CFAP92: variants seen among roughly 807,000 people sequenced by gnomAD.
CFAP92 encodes cilia and flagella associated protein 92 (putative).
A neutral mutation model predicts 106.3 loss-of-function variants in CFAP92; 86 were observed. The ratio of observed to expected loss-of-function variants is 0.81; its 90% confidence interval spans 0.68 to 0.97. CFAP92 has a LOEUF of 0.97. Ranked by LOEUF, CFAP92 falls within the 50% of genes least tolerant of loss-of-function variation. CFAP92 has a pLI of 0.00. For synonymous variants in CFAP92, 477 were observed against 506.4 expected, an observed-to-expected ratio of 0.94 and a Z score of 0.78; for missense variants, 1,204 against 1,283.8, an observed-to-expected ratio of 0.94 and a Z score of 0.95.
In CFAP92 at chr3:128,931,451, G is replaced by A. The variant is rs550016753; in HGVS notation, c.2751+1249C>T. ...AAAGTGGTATGAGATATATATATGT[G>A]TGTATATATATATACACATACATGT... On this transcript the variant is annotated intron_variant, in intron 12 of 15. Transcript: ENST00000645291. Among the ~76,000 whole-genome samples, 6 of 130,194 alleles carry A rather than the reference G, an allele frequency of 4.6e-5. No individual in the cohort carries two copies. In the South Asian group the frequency reaches 7.4e-4, roughly 16 times the overall value. The allele number at this position is 130,194 out of a possible 152,430, so 85.4% of individuals were successfully genotyped here.
chr3:128,971,115 G>T, intron 8 of CFAP92, 172 bp downstream of exon 8: 1 of 952,294 alleles, frequency 1.1e-6, no homozygotes, highest in Non-Finnish European at 1.6e-6. Flanking sequence ...TACCCTCTCT[G>T]GGCCTTTGTT....
chr3:128,927,083 ACT>A (rs1937735124), intron 12 of CFAP92, among the ~76,000 whole-genome samples: 1 of 151,920 alleles, frequency 6.6e-6, no homozygotes, highest in African/African-American at 2.4e-5. Flanking sequence ...ACAAAGCAAG[ACT>A]CTGTCTCAAA....
chr3:129,016,634 C>T, the CFAP92 span, among the ~76,000 whole-genome samples: 1 of 152,194 alleles, frequency 6.6e-6, no homozygotes, highest in African/African-American at 2.4e-5. Flanking sequence ...TGTCATAAAG[C>T]CCTGGAGACA....
chr3:128,946,004 AC>A, intron 9 of CFAP92, 29 bp from the exon 10 acceptor site: 1 of 1,399,096 alleles, frequency 7.1e-7, no homozygotes, highest in Non-Finnish European at 9.3e-7. Flanking sequence ...ACAGCAGGTC[AC>A]CCAGCCACAA....
intron 4 of CFAP92, among the ~76,000 whole-genome samples, chr3:128,982,778 T>G (rs1000115861): frequency 5.3e-5 from 8 of 152,168 alleles, no homozygotes; most frequent in African/African-American, 1.9e-4. Flanking sequence ...TAGGGAGGCC[T>G]GAAGAGAGGG....
At chr3:128,984,452 G>A (rs1407386974) in intron 4 of CFAP92, among the ~76,000 whole-genome samples, 4 of 152,154 alleles carry the variant, frequency 2.6e-5, no homozygotes, top group Non-Finnish European at 4.4e-5. Flanking sequence ...CCATGCTGGA[G>A]GCTTCCTGCC....
At chr3:128,913,494 G>A (rs1196761532) in intron 15 of CFAP92, among the ~76,000 whole-genome samples, 6 of 152,110 alleles carry the variant, frequency 3.9e-5, no homozygotes, top group Non-Finnish European at 8.8e-5. Flanking sequence ...AGGTCCCAGC[G>A]TGCTCACTGT....
intron 1 of CFAP92, 38 bp from the exon 2 acceptor site, chr3:128,993,374 T>G (rs1156387616): frequency 1.3e-6 from 2 of 1,539,110 alleles, no homozygotes; most frequent in Non-Finnish European, 1.8e-6. Context: ...CCGCCTGTAT[T>G]CCAGGGCTGC....
intron 9 of CFAP92, among the ~76,000 whole-genome samples, chr3:128,962,257 G>A (rs1023990440): frequency 6.6e-6 from 1 of 152,060 alleles, no homozygotes; most frequent in Non-Finnish European, 1.5e-5. Context: ...AGGTAAGCCC[G>A]TCCCCTTCTT....
At position 128,990,353 on chromosome 3, in the gene CFAP92, T is replaced by C. The variant is rs550885652; in HGVS notation, c.263-1435A>G. On this transcript the variant is annotated intron_variant, in intron 2 of 15. Transcript: ENST00000645291. The stretch of plus-strand genomic sequence containing the variant: ...CTCTACTAAAAATACAAAAATTAGC[T>C]GGGCATGGTGGCATGTGCCTGTAGT... Among the ~76,000 whole-genome samples, 177 of 152,238 alleles carry C rather than the reference T, an allele frequency of 1.2e-3. 2 individuals carry two copies. The highest frequency in any genetic ancestry group is 4.2e-3 in the African/African-American group (175 of 41,562).
Position 128,945,082 on chromosome 3 carries a change from G to A in CFAP92, c.2247C>T (p.Asn749=), listed in dbSNP as rs1940068633. ...ADQGLRQLWE[N]HQSWIPRSEH... is the part of the protein sequence containing the mutation. ...AACAAACCACCTACCAGCTTTGGTG[G>A]TTCTCCCACAGCTGCCTCAAGCCTT... Residue 749 remains asparagine (N), a synonymous_variant, in exon 10 of 16, where the codon AAC becomes AAT. Coordinates refer to ENST00000645291, the MANE Select transcript of CFAP92 (RefSeq NM_001394090.1). The A allele has an allele frequency of 6.6e-7, 1 of 1,521,254 alleles. No homozygotes were observed. Among genetic ancestry groups the A allele is most frequent in the Admixed American group, 2.0e-5 (1 of 49,048 alleles). 94.2% of individuals were successfully genotyped at this position (1,521,254 alleles called of 1,614,324 possible).
At chr3:129,002,265 T>C (rs978710475) in intron 1 of CFAP92, 2 of 1,530,554 alleles carry the variant, frequency 1.3e-6, no homozygotes, top group Non-Finnish European at 1.7e-6. Context: ...CTTGCGCGAG[T>C]TGGTGGAGGA....
chr3:129,020,316 A>G, the CFAP92 span, among the ~76,000 whole-genome samples: 1 of 152,122 alleles, frequency 6.6e-6, no homozygotes, highest in South Asian at 2.1e-4. Context: ...CTTGCACCCT[A>G]TGAGCTTGGG....
chr3:128,989,889 GACAA>G (rs1300825397), intron 2 of CFAP92, among the ~76,000 whole-genome samples: 2 of 152,182 alleles, frequency 1.3e-5, no homozygotes, highest in African/African-American at 2.4e-5. Flanking sequence ...CCAGCAAGTG[GACAA>G]ACAGAGCCTC....
upstream of CFAP92, among the ~76,000 whole-genome samples, chr3:128,995,030 C>A (rs1160305644): frequency 1.3e-5 from 2 of 152,190 alleles, no homozygotes; most frequent in Non-Finnish European, 2.9e-5. Context: ...GGACTATGGG[C>A]AATGGGGAGC....
intron 4 of CFAP92, among the ~76,000 whole-genome samples, chr3:128,985,756 C>T (rs1943812462): frequency 6.6e-6 from 1 of 152,176 alleles, no homozygotes; most frequent in African/African-American, 2.4e-5. Context: ...TTCCTATAGT[C>T]CAGGTGAGAA....
In CFAP92 at chr3:128,910,269, A is replaced by G; in HGVS notation, c.*30T>C. ...GTGGGGGAGGCTGTGCAGGTTCACC[A>G]TGCGGTGGCCGTGGGAGGGTCTGTG... On this transcript the variant is annotated 3_prime_UTR_variant, in exon 16 of 16. Coordinates refer to ENST00000645291, the MANE Select transcript of CFAP92 (RefSeq NM_001394090.1). 1 of 1,539,504 alleles carries G rather than the reference A, an allele frequency of 6.5e-7. No individual in the cohort carries two copies. The highest frequency in any genetic ancestry group is 8.7e-7 in the Non-Finnish European group (1 of 1,144,736).
At chr3:128,946,839 A>G (rs35929421) in intron 9 of CFAP92, among the ~76,000 whole-genome samples, 4 of 152,232 alleles carry the variant, frequency 2.6e-5, no homozygotes, top group Admixed American at 2.6e-4. Context: ...CAGATGCACC[A>G]AGGCATAAGA....
At position 128,926,990 on chromosome 3, in the gene CFAP92, A is replaced by G. The variant is rs141577714; in HGVS notation, c.2751+5710T>C. 2.2e-3 allele frequency among the ~76,000 whole-genome samples: 333 copies of G among 152,186 alleles called. 5 individuals are homozygous for G. The East Asian group carries it at 0.024, about 11-fold the overall frequency. Reference sequence around the variant, plus strand: ...ATGCTTGTAGTCCCAGCTACTTGAGAGGCTGAGGCAGGAGAATGGTTTGAA... The same window carrying G: ...ATGCTTGTAGTCCCAGCTACTTGAGGGGCTGAGGCAGGAGAATGGTTTGAA... On this transcript the variant is annotated intron_variant, in intron 12 of 15. Transcript: ENST00000645291.
Sources: gnomAD v4.1 joint callset for allele counts (sites outside exome capture counted in the v4.1 genomes callset) on GRCh38, gnomAD v4.1.1 for gene constraint, MANE v1.5 for transcripts, NCBI Gene and HGNC (gene_info 2026-07-23, HGNC 2026-07-21) for gene names.